The following ADGRL2 variants were observed in gnomAD, a reference collection of about 807,000 sequenced individuals.
ADGRL2 encodes calcium-independent alpha-latrotoxin receptor 2.
A neutral mutation model predicts 157.4 loss-of-function variants in ADGRL2; 44 were observed. The ratio of observed to expected loss-of-function variants is 0.28; its 90% CI spans 0.22 to 0.36. ADGRL2 has a LOEUF of 0.36. Among genes scored for constraint, ADGRL2 ranks in the 10% least tolerant of loss-of-function variants. The pLI is 1.00. For missense variants in ADGRL2, 1,510 were observed against 1,768.9 expected, an observed-to-expected ratio of 0.85 and a Z score of 2.63; for synonymous variants, 585 against 624.7, an observed-to-expected ratio of 0.94 and a Z score of 0.95.
At chr1:81,565,301 C>T (rs2080532803) in intron 2 of ADGRL2, among the ~76,000 whole-genome samples, 1 of 152,176 alleles carries the variant, frequency 6.6e-6, no homozygotes, top group Non-Finnish European at 1.5e-5. Context: ...TTGCACTCTC[C>T]TTAGCTACAG....
At chr1:81,619,349 A>C (rs1018605941) in intron 3 of ADGRL2, among the ~76,000 whole-genome samples, 2 of 151,614 alleles carry the variant, frequency 1.3e-5, no homozygotes, top group Non-Finnish European at 2.9e-5. Flanking sequence ...CTGGGCACTG[A>C]CCCAGTGGAG....
At chr1:81,464,895 G>T (rs2078020587) in intron 2 of ADGRL2, among the ~76,000 whole-genome samples, 1 of 148,618 alleles carries the variant, frequency 6.7e-6, no homozygotes, top group South Asian at 2.1e-4. Flanking sequence ...GGAAGAGAAG[G>T]CTGTAGTCTT....
At chr1:81,830,350 T>C (rs2091856193) in intron 1 of ADGRL2, among the ~76,000 whole-genome samples, 1 of 152,194 alleles carries the variant, frequency 6.6e-6, no homozygotes. Flanking sequence ...ATCTACTTTA[T>C]GTTAAAGGCA....
intron 1 of ADGRL2, among the ~76,000 whole-genome samples, chr1:81,740,810 G>A (rs1196935500): frequency 6.6e-6 from 1 of 152,088 alleles, no homozygotes; most frequent in Non-Finnish European, 1.5e-5. Flanking sequence ...TTTGAGAGAA[G>A]AAATTTATGC....
intron 2 of ADGRL2, chr1:81,501,793 G>GCAGCAGCAGCAGCAA (rs2078855304): frequency 6.2e-7 from 1 of 1,603,196 alleles, no homozygotes. Context: ...AGCAGCAGCA[G>GCAGCAGCAGCAGCAA]CAGCAGCAGC....
intron 1 of ADGRL2, among the ~76,000 whole-genome samples, chr1:81,336,516 T>C (rs1448166096): frequency 1.3e-5 from 2 of 152,142 alleles, no homozygotes; most frequent in African/African-American, 4.8e-5. Flanking sequence ...CTTGTAATAT[T>C]CTTGTGCTGA....
intron 1 of ADGRL2, among the ~76,000 whole-genome samples, chr1:81,712,202 G>A (rs897566356): frequency 6.6e-6 from 1 of 152,144 alleles, no homozygotes; most frequent in Non-Finnish European, 1.5e-5. Flanking sequence ...TACCACTAAA[G>A]GTTGAGTTAC....
intron 1 of ADGRL2, among the ~76,000 whole-genome samples, chr1:81,359,990 G>A (rs2075950133): frequency 6.6e-6 from 1 of 151,954 alleles, no homozygotes. Flanking sequence ...TTCTCGCACA[G>A]CAGCCAGGGT....
At chr1:81,569,856 T>A (rs982813741) in intron 2 of ADGRL2, among the ~76,000 whole-genome samples, 1 of 152,102 alleles carries the variant, frequency 6.6e-6, no homozygotes, top group African/African-American at 2.4e-5. Context: ...AAAAAAGATG[T>A]CAGTAGAAAT....
intron 1 of ADGRL2, among the ~76,000 whole-genome samples, chr1:81,400,530 G>T (rs1047369948): frequency 6.6e-6 from 1 of 152,246 alleles, no homozygotes; most frequent in East Asian, 1.9e-4. Context: ...TGGGCCTGGG[G>T]AGTAGGGTAT....
At chr1:81,468,454 C>G (rs1451366025) in intron 2 of ADGRL2, among the ~76,000 whole-genome samples, 4 of 152,030 alleles carry the variant, frequency 2.6e-5, no homozygotes, top group African/African-American at 9.7e-5. Flanking sequence ...AAATGGACCC[C>G]AACATTTGTC....
intron 2 of ADGRL2, among the ~76,000 whole-genome samples, chr1:81,518,471 A>C (rs2079234024): frequency 6.6e-6 from 1 of 152,166 alleles, no homozygotes; most frequent in Non-Finnish European, 1.5e-5. Flanking sequence ...TATCCAGAGA[A>C]ATGGGAATTG....
intron 1 of ADGRL2, among the ~76,000 whole-genome samples, chr1:81,424,791 C>T (rs2077182484): frequency 6.6e-6 from 1 of 152,148 alleles, no homozygotes; most frequent in Non-Finnish European, 1.5e-5. Flanking sequence ...TACCTTCCAA[C>T]TTTACCTCTT....
intron 1 of ADGRL2, among the ~76,000 whole-genome samples, chr1:81,752,093 GGGA>G (rs1433912472): frequency 6.6e-6 from 1 of 152,144 alleles, no homozygotes; most frequent in Non-Finnish European, 1.5e-5. Context: ...TGAGGCCTTT[GGGA>G]GGTGATTAGG....
chr1:81,858,782 A>ATTTTATGTCTTTT (rs1334838209), intron 2 of ADGRL2, among the ~76,000 whole-genome samples: 12 of 152,166 alleles, frequency 7.9e-5, no homozygotes, highest in African/African-American at 2.7e-4. Context: ...AAGACACCAA[A>ATTTTATGTCTTTT]ATGTAGACAT....
chr1:81,577,041 A>G (rs984328410), intron 2 of ADGRL2, among the ~76,000 whole-genome samples: 1 of 152,132 alleles, frequency 6.6e-6, no homozygotes, highest in Non-Finnish European at 1.5e-5. Context: ...GAATCCTTCC[A>G]CGTTTACTCA....
intron 3 of ADGRL2, among the ~76,000 whole-genome samples, chr1:81,910,864 TTG>T (rs1311329619): frequency 1.3e-5 from 2 of 152,036 alleles, no homozygotes; most frequent in Non-Finnish European, 2.9e-5. Flanking sequence ...TGTAGAAAGT[TTG>T]TCTTTGAAAA....
At chr1:81,399,685 T>C (rs139489255) in intron 1 of ADGRL2, among the ~76,000 whole-genome samples, 4 of 152,326 alleles carry the variant, frequency 2.6e-5, no homozygotes, top group African/African-American at 9.6e-5. Flanking sequence ...CTATGAATTG[T>C]TTTCTTGATT....
chr1:81,897,787 G>C (rs983294848), intron 2 of ADGRL2, among the ~76,000 whole-genome samples: 4 of 152,084 alleles, frequency 2.6e-5, no homozygotes, highest in African/African-American at 9.7e-5. Context: ...CATTATGCAT[G>C]TATTTGTTAG....
Sources: gnomAD v4.1 joint callset for allele counts (sites outside exome capture counted in the v4.1 genomes callset) on GRCh38, gnomAD v4.1.1 for gene constraint, MANE v1.5 for transcripts, NCBI Gene and HGNC (gene_info 2026-07-23, HGNC 2026-07-21) for gene names.